Variants in NRG3 observed in about 807,000 individuals in gnomAD.
NRG3 encodes neuregulin 3.
Under a neutral mutation model 66.9 loss-of-function variants are expected in NRG3, and 31 were observed. That is an observed-to-expected ratio of 0.46 (90% CI 0.35 to 0.63). The LOEUF is 0.63. NRG3 is among the 20% of genes least tolerant of loss of function. NRG3 has a pLI of 0.00. For synonymous variants in NRG3, 393 were observed against 359.4 expected (o/e 1.09, Z -1.06); for missense variants, 910 against 878.9 (o/e 1.04, Z -0.45).
chr10:82,932,406 TC>T (rs1847660842), intron 4 of NRG3, among the ~76,000 whole-genome samples: 1 of 152,212 alleles, frequency 6.6e-6, no homozygotes. Context: ...TGTTCGGATG[TC>T]ATAATGTTAT....
intron 2 of NRG3, among the ~76,000 whole-genome samples, chr10:82,580,494 G>A (rs1003778839): frequency 1.8e-4 from 27 of 151,880 alleles, no homozygotes; most frequent in Non-Finnish European, 3.1e-4. Flanking sequence ...TCCACCATCA[G>A]AGTATAACAC....
At chr10:82,252,830 A>G (rs2077548479) in intron 1 of NRG3, among the ~76,000 whole-genome samples, 1 of 152,090 alleles carries the variant, frequency 6.6e-6, no homozygotes, top group African/African-American at 2.4e-5. Context: ...AGCTTGCTCC[A>G]TTGAGTTTCA....
intron 1 of NRG3, among the ~76,000 whole-genome samples, chr10:81,920,827 C>T (rs1846187402): frequency 6.6e-6 from 1 of 152,040 alleles, no homozygotes; most frequent in South Asian, 2.1e-4. Context: ...ACTTCAGTAA[C>T]ATTTTTTACA....
chr10:82,954,003 G>A (rs577169063), intron 5 of NRG3, among the ~76,000 whole-genome samples: 24 of 151,058 alleles, frequency 1.6e-4, no homozygotes, highest in Non-Finnish European at 2.9e-4. Context: ...GCATAGCAAA[G>A]TGTTTAAAAG....
At chr10:82,435,760 A>G (rs1391612006) in intron 2 of NRG3, among the ~76,000 whole-genome samples, 1 of 142,002 alleles carries the variant, frequency 7.0e-6, no homozygotes, top group Non-Finnish European at 1.5e-5. Flanking sequence ...TGTGGTTTTG[A>G]GTGAGTTTCT....
intron 1 of NRG3, among the ~76,000 whole-genome samples, chr10:82,269,322 A>G (rs1429988273): frequency 1.3e-5 from 2 of 152,110 alleles, no homozygotes; most frequent in African/African-American, 4.8e-5. Flanking sequence ...AGTTCAGCAT[A>G]TGCTTTCTTT....
intron 1 of NRG3, among the ~76,000 whole-genome samples, chr10:82,165,181 T>A (rs946510756): frequency 1.3e-5 from 2 of 152,134 alleles, no homozygotes; most frequent in African/African-American, 4.8e-5. Context: ...TTTATAAATG[T>A]GGTAGCTTTT....
chr10:82,733,717 G>A (rs1274901294), intron 2 of NRG3, among the ~76,000 whole-genome samples: 4 of 152,168 alleles, frequency 2.6e-5, no homozygotes, highest in East Asian at 3.8e-4. Context: ...GCTTGTTTTT[G>A]TATCTGTCTT....
chr10:82,849,020 C>T (rs1360593040), intron 3 of NRG3, among the ~76,000 whole-genome samples: 1 of 152,168 alleles, frequency 6.6e-6, no homozygotes, highest in Non-Finnish European at 1.5e-5. Flanking sequence ...TGGGCTAATA[C>T]AAGTCCTAAT....
chr10:82,680,993 C>T (rs1467140723), intron 2 of NRG3, among the ~76,000 whole-genome samples: 2 of 152,222 alleles, frequency 1.3e-5, no homozygotes, highest in Non-Finnish European at 2.9e-5. Context: ...TTCTAAACAA[C>T]TCAGGCTGTT....
At chr10:82,737,357 A>C (rs946625415) in intron 2 of NRG3, among the ~76,000 whole-genome samples, 6 of 152,140 alleles carry the variant, frequency 3.9e-5, no homozygotes, top group Non-Finnish European at 2.9e-5. Flanking sequence ...ATGCATTTCA[A>C]TGTTGCTTCT....
At chr10:82,255,955 G>T (rs539943811) in intron 1 of NRG3, among the ~76,000 whole-genome samples, 1 of 151,508 alleles carries the variant, frequency 6.6e-6, no homozygotes, top group Non-Finnish European at 1.5e-5. Context: ...ATGGAGTCTC[G>T]CTCTGTCACC....
chr10:82,404,967 C>G (rs965812044), intron 2 of NRG3, among the ~76,000 whole-genome samples: 7 of 152,088 alleles, frequency 4.6e-5, no homozygotes, highest in Non-Finnish European at 8.8e-5. Context: ...ATCTTTCACT[C>G]ATCCAACCGC....
intron 1 of NRG3, among the ~76,000 whole-genome samples, chr10:82,284,016 C>T (rs73306639): frequency 0.016 from 2,503 of 152,220 alleles, 69 homozygotes; most frequent in African/African-American, 0.057. Context: ...GCGAGCATTG[C>T]GATTTCCAGG....
intron 2 of NRG3, among the ~76,000 whole-genome samples, chr10:82,404,225 G>A (rs1188289719): frequency 2.6e-5 from 4 of 152,140 alleles, no homozygotes; most frequent in Non-Finnish European, 4.4e-5. Flanking sequence ...ACAAACCTGT[G>A]TAAGACTGCA....
chr10:82,532,026 G>T (rs1199716829), intron 2 of NRG3, among the ~76,000 whole-genome samples: 1 of 151,490 alleles, frequency 6.6e-6, no homozygotes, highest in East Asian at 1.9e-4. Context: ...TATAACATTT[G>T]TTCATATTTA....
chr10:82,787,371 T>TA (rs754310686), intron 3 of NRG3, among the ~76,000 whole-genome samples: 5 of 152,124 alleles, frequency 3.3e-5, no homozygotes, highest in Non-Finnish European at 1.5e-5. Context: ...TGATCCACTT[T>TA]AAAAAACTCT....
Position 82,951,516 on chromosome 10 carries a change from A to G in NRG3, c.1102A>G (p.Ile368Val), listed in dbSNP as rs1849512571. Residue 368 changes from isoleucine (I) to valine (V), a missense_variant, in exon 5 of 9, where the codon ATC (isoleucine) becomes GTC (valine). Transcript: ENST00000372141. The part of the protein sequence containing the change: ...QRQVLSISCI[I>V]FGIVIVGMFC... ...GCAGGTGCTGTCAATTTCATGTATC[A>G]TCTTTGGAATTGTCATCGTGGGCAT... The G allele has an allele frequency of 6.2e-7, 1 of 1,614,038 alleles. No individual in the cohort carries two copies. The highest frequency in any genetic ancestry group is 8.5e-7 in the Non-Finnish European group (1 of 1,179,882).
chr10:82,742,005 A>T lies in NRG3; in HGVS notation c.1027+3355A>T, dbSNP rs147664719. On this transcript the variant is annotated intron_variant, in intron 3 of 8. Transcript: ENST00000372141. ...AGGATTGTTTAATTTGCTGCTCATG[A>T]TATCTTCAGAATGACTGTATGCTCA... is the stretch of plus-strand genomic sequence containing the variant. Among the ~76,000 whole-genome samples, 280 of 152,230 alleles carry T rather than the reference A, an allele frequency of 1.8e-3. 2 individuals carry two copies. The highest frequency in any genetic ancestry group is 3.5e-3 in the Admixed American group (54 of 15,298).
Sources: allele counts gnomAD v4.1 joint callset (sites outside exome capture counted in the v4.1 genomes callset), GRCh38; gene constraint gnomAD v4.1.1; transcripts MANE v1.5; gene names NCBI Gene and HGNC (gene_info 2026-07-23, HGNC 2026-07-21).